The following EPG5 variants were observed in gnomAD, a reference collection of about 807,000 sequenced individuals.
EPG5 encodes the protein ectopic P granules protein 5 homolog.
Under a neutral mutation model 302.7 loss-of-function variants are expected in EPG5, and 159 were observed. The observed-to-expected ratio is 0.53, with a 90% CI of 0.46 to 0.60. The LOEUF (loss-of-function observed/expected upper bound fraction) is 0.60. Ranked by LOEUF, EPG5 falls within the 20% of genes least tolerant of loss-of-function variation. The pLI, the probability that EPG5 is intolerant of heterozygous loss-of-function variation, is 0.00. For missense variants in EPG5, 2,896 were observed against 3,092.4 expected (o/e 0.94, Z 1.51); for synonymous variants, 1,158 against 1,136.8 (o/e 1.02, Z -0.37).
rs201868961 is a variant in EPG5, at chr18:45,859,933, ATC to A, written c.7009+169_7009+170del. Reference sequence around the variant, plus strand: ...CCACAGGTTCTCATGCTAACTGCAGATCTTTATGAAAAATACGTATATTCAGA... The same window carrying A: ...CCACAGGTTCTCATGCTAACTGCAGATTTATGAAAAATACGTATATTCAGA... On this transcript the variant is annotated intron_variant, in intron 40 of 43. Transcript: ENST00000282041. Among the ~76,000 whole-genome samples the A allele has an allele frequency of 0.021, 3,159 of 152,372 alleles. 54 individuals carry two copies. The highest frequency in any genetic ancestry group is 0.042 in the South Asian group (204 of 4,830).
Position 45,899,339 on chromosome 18 carries a change from T to A in EPG5, c.4809+65A>T, listed in dbSNP as rs371583823. The A allele has an allele frequency of 3.2e-6, 5 of 1,580,672 alleles. No individual in the cohort carries two copies. The African/African-American group carries it at 4.0e-5, about 13-fold the overall frequency. ...TATATATGTCTTTCAATCTTTCTCA[T>A]TGATAAGCCAACATTACGGACTCAA... is the stretch of plus-strand genomic sequence containing the variant. On this transcript the variant is annotated intron_variant, in intron 27 of 43. Transcript: ENST00000282041.
rs781647288 is a variant in EPG5, at chr18:45,852,539, A to G, written c.7668T>C (p.Asp2556=). Residue 2556 remains aspartate (D), a synonymous_variant, in exon 44 of 44, where the codon GAT becomes GAC. Transcript: ENST00000282041. ...FIRHPGHCLQ[D]GKSFLALLVN... is the part of the protein sequence containing the mutation. ...CGAGAAGAGCCAAGAAGCTTTTCCCATCTTGAAGGCAATGGCCAGGATGCC... is the reference window on the plus strand; with the variant it reads ...CGAGAAGAGCCAAGAAGCTTTTCCCGTCTTGAAGGCAATGGCCAGGATGCC... 33 of 1,614,044 alleles carry G rather than the reference A, an allele frequency of 2.0e-5. No individual in the cohort carries two copies. Among genetic ancestry groups the G allele is most frequent in the Non-Finnish European group, 2.4e-5 (28 of 1,179,994 alleles).
At chr18:45,827,674 A>T in the EPG5 span, among the ~76,000 whole-genome samples, 22 of 152,274 alleles carry the variant, frequency 1.4e-4, no homozygotes, top group East Asian at 2.5e-3. Context: ...TAGACACTAC[A>T]TCAAAGGCCC....
At chr18:45,852,791 C>G (rs901092855) in intron 43 of EPG5, 142 bp from the exon 44 acceptor site, 1 of 712,174 alleles carries the variant, frequency 1.4e-6, no homozygotes. Context: ...GCCAGGAGTC[C>G]GGAAGGCAGG....
chr18:45,801,648 C>T, the EPG5 span, among the ~76,000 whole-genome samples: 1 of 152,210 alleles, frequency 6.6e-6, no homozygotes, highest in Non-Finnish European at 1.5e-5. Context: ...ATTCCCCTCC[C>T]TCCCTTCCAT....
intron 34 of EPG5, among the ~76,000 whole-genome samples, chr18:45,876,823 A>T (rs1286381943): frequency 1.3e-5 from 2 of 151,690 alleles, no homozygotes; most frequent in Non-Finnish European, 2.9e-5. Context: ...TTTCTCTGCC[A>T]CCCAGGCTAC....
chr18:45,879,243 T>C (rs758958767), intron 32 of EPG5, 29 bp from the exon 33 acceptor site: 2 of 1,507,446 alleles, frequency 1.3e-6, no homozygotes, highest in African/African-American at 2.8e-5. Flanking sequence ...CAAAAAATGC[T>C]TACTAAATAT....
the EPG5 span, chr18:45,837,744 G>T: frequency 2.6e-6 from 4 of 1,512,352 alleles, no homozygotes; most frequent in South Asian, 1.2e-5. Context: ...GGCCGCTTCC[G>T]GCTGCTGGGC....
chr18:45,879,007 T>C lies in EPG5; in HGVS notation c.5869+6A>G. 6.2e-7 allele frequency: 1 copy of C among 1,612,990 alleles called. No individual in the cohort carries two copies. The highest frequency in any genetic ancestry group is 8.5e-7 in the Non-Finnish European group (1 of 1,178,960). On this transcript the variant is annotated splice_donor_region_variant and intron_variant, in intron 33 of 43. Transcript: ENST00000282041. ...CTAGCTCCACATCGCATGAGAAGTA[T>C]ATTACCTGTTTTCCTGCTGGCAGTT...
intron 29 of EPG5, among the ~76,000 whole-genome samples, chr18:45,885,367 C>T (rs1191749398): frequency 6.6e-6 from 1 of 151,906 alleles, no homozygotes; most frequent in Non-Finnish European, 1.5e-5. Flanking sequence ...GATAAGTTAA[C>T]TATACTACAA....
intron 24 of EPG5, chr18:45,907,175 T>C (rs990317204): frequency 6.6e-6 from 1 of 152,056 alleles, no homozygotes; most frequent in African/African-American, 2.4e-5. Context: ...GGAGATAAAA[T>C]ATACACATGA....
the EPG5 span, among the ~76,000 whole-genome samples, chr18:45,821,583 A>T: frequency 6.6e-6 from 1 of 152,238 alleles, no homozygotes; most frequent in African/African-American, 2.4e-5. Context: ...AAACACAGGC[A>T]ACAAAAGCAA....
chr18:45,912,553 G>A, intron 21 of EPG5, 97 bp from the exon 22 acceptor site: 2 of 1,163,526 alleles, frequency 1.7e-6, no homozygotes, highest in Non-Finnish European at 2.4e-6. Context: ...CAAACATTCT[G>A]TTTTCAATTC....
chr18:45,901,560 T>G (rs2049619206), intron 25 of EPG5, among the ~76,000 whole-genome samples: 1 of 152,114 alleles, frequency 6.6e-6, no homozygotes, highest in African/African-American at 2.4e-5. Flanking sequence ...GAAAAAGGAA[T>G]AAGCGTTATG....
intron 1 of EPG5, among the ~76,000 whole-genome samples, chr18:45,966,614 G>C (rs1214358786): frequency 6.6e-6 from 1 of 152,080 alleles, no homozygotes; most frequent in Admixed American, 6.6e-5. Flanking sequence ...CCCGCCCTGG[G>C]TTAATTTCTA....
At chr18:45,838,713 T>A in the EPG5 span, 1 of 1,568,888 alleles carries the variant, frequency 6.4e-7, no homozygotes. Flanking sequence ...CCTTCTCCCC[T>A]GCAGCCGCGC....
chr18:45,950,851 C>G (rs2050891478), intron 4 of EPG5, among the ~76,000 whole-genome samples: 1 of 152,174 alleles, frequency 6.6e-6, no homozygotes, highest in African/African-American at 2.4e-5. Flanking sequence ...CCTGCATTTC[C>G]ATTTCTTTCA....
At chr18:45,938,726 G>A (rs915284074) in intron 10 of EPG5, among the ~76,000 whole-genome samples, 1 of 152,164 alleles carries the variant, frequency 6.6e-6, no homozygotes, top group South Asian at 2.1e-4. Context: ...TGGAACAGTA[G>A]TATCATTATC....
In EPG5 at chr18:45,870,242, T is replaced by A. The variant is rs184122765; in HGVS notation, c.6225+325A>T. Among the ~76,000 whole-genome samples, 3 of 152,302 alleles carry A rather than the reference T, an allele frequency of 2.0e-5. No homozygotes were observed. The East Asian group carries it at 5.8e-4, about 29-fold the overall frequency. On this transcript the variant is annotated intron_variant, in intron 36 of 43. Coordinates refer to ENST00000282041, the MANE Select transcript of EPG5 (RefSeq NM_020964.3). ...AAGCAGTTGTTGACACAAACTGTAA[T>A]GACACAAACACATCAATAACAACCA...
Sources: gnomAD v4.1 joint callset for allele counts (sites outside exome capture counted in the v4.1 genomes callset) on GRCh38, gnomAD v4.1.1 for gene constraint, MANE v1.5 for transcripts, NCBI Gene and HGNC (gene_info 2026-07-23, HGNC 2026-07-21) for gene names.